The following ZNF572 variants were observed in gnomAD, a reference collection of about 807,000 sequenced individuals.
The protein encoded by ZNF572 is zinc finger protein 572.
Under a neutral mutation model 3.8 loss-of-function variants are expected in ZNF572, and 2 were observed. The ratio of observed to expected loss-of-function variants is 0.52; its 90% confidence interval spans 0.21 to 1.65. The LOEUF is 1.65. Among genes scored for constraint, ZNF572 ranks in the 40% most tolerant of loss-of-function variants. The pLI, the probability that ZNF572 is intolerant of heterozygous loss-of-function variation, is 0.20. For missense variants in ZNF572, 581 were observed against 633.4 expected, an observed-to-expected ratio of 0.92 and a Z score of 0.89; for synonymous variants, 187 against 204.5, an observed-to-expected ratio of 0.91 and a Z score of 0.73.
chr8:124,974,403 T>C (rs1471715810), intron 1 of ZNF572, among the ~76,000 whole-genome samples: 2 of 152,238 alleles, frequency 1.3e-5, no homozygotes, highest in African/African-American at 4.8e-5. Flanking sequence ...TCCTATAAAA[T>C]GCTGGTAGTT....
Position 124,977,247 on chromosome 8 carries a change from C to T in ZNF572, c.979C>T (p.Pro327Ser), listed in dbSNP as rs750600647. The T allele has an allele frequency of 3.1e-6, 5 of 1,613,484 alleles. No individual in the cohort carries two copies. The South Asian group carries it at 4.4e-5, about 14-fold the overall frequency. Residue 327 changes from proline (P) to serine (S), a missense_variant, in exon 3 of 3, where the codon CCT (proline) becomes TCT (serine). Transcript: ENST00000319286. ...TCAGAGAATACATACAGGAGAAAAGCCTTATCAATGTCCAGAATGTGGGAA... is the reference window on the plus strand; with the variant it reads ...TCAGAGAATACATACAGGAGAAAAGTCTTATCAATGTCCAGAATGTGGGAA... The part of the protein sequence containing the change: ...KHQRIHTGEK[P>S]YQCPECGKNF...
At position 124,977,502 on chromosome 8, in the gene ZNF572, T is replaced by C; in HGVS notation, c.1234T>C (p.Tyr412His). ...GAGAACACATACAGGAGAAAAACCTTACAGATGTTCTGAGTGCTGGAAAAC... is the reference window on the plus strand; with the variant it reads ...GAGAACACATACAGGAGAAAAACCTCACAGATGTTCTGAGTGCTGGAAAAC... ...HQRTHTGEKP[Y>H]RCSECWKTFS... Residue 412 changes from tyrosine (Y) to histidine (H), a missense_variant, in exon 3 of 3, where the codon TAC becomes CAC. Coordinates refer to ENST00000319286, the MANE Select transcript of ZNF572 (RefSeq NM_152412.3). 1 of 1,614,200 alleles carries C rather than the reference T, an allele frequency of 6.2e-7. No homozygotes were observed. The highest frequency in any genetic ancestry group is 1.7e-5 in the Admixed American group (1 of 60,034).
chr8:124,975,251 T>C (rs890663700), intron 1 of ZNF572, among the ~76,000 whole-genome samples: 4 of 152,232 alleles, frequency 2.6e-5, no homozygotes, highest in Non-Finnish European at 5.9e-5. Context: ...TTGAAGTCTT[T>C]ATAAGTTTTA....
rs537058521 is a variant in ZNF572, at chr8:124,978,845, G to T, written c.*987G>T. The T allele has an allele frequency of 6.6e-6, 1 of 152,204 alleles. No individual in the cohort carries two copies. Among genetic ancestry groups the T allele is most frequent in the East Asian group, 1.9e-4 (1 of 5,184 alleles). 9.4% of individuals were successfully genotyped at this position (152,204 alleles called of 1,614,324 possible). The stretch of plus-strand genomic sequence containing the variant: ...TAAATTATCCCATTATGTAATTCTT[G>T]GTCAGCTCAAGAACTGGGTTCTTTT... On this transcript the variant is annotated 3_prime_UTR_variant, in exon 3 of 3. Transcript: ENST00000319286.
In ZNF572 at chr8:124,977,572, C is replaced by G; in HGVS notation, c.1304C>G (p.Thr435Arg). ...CTGGTGATTCACCAAAGGACACATACAGGAGAGAAACCTTATAAATGTCCT... is the reference window on the plus strand; with the variant it reads ...CTGGTGATTCACCAAAGGACACATAGAGGAGAGAAACCTTATAAATGTCCT... ...STLVIHQRTH[T>R]GEKPYKCPDC... Residue 435 changes from threonine to arginine, a missense_variant, in exon 3 of 3, where the codon ACA (threonine) becomes AGA (arginine). Transcript: ENST00000319286. 4 of 1,614,218 alleles carry G rather than the reference C, an allele frequency of 2.5e-6. No homozygotes were observed. In the South Asian group the frequency reaches 4.4e-5, roughly 18 times the overall value.
intron 1 of ZNF572, among the ~76,000 whole-genome samples, chr8:124,975,389 T>A (rs1814494701): frequency 6.6e-6 from 1 of 152,264 alleles, no homozygotes; most frequent in African/African-American, 2.4e-5. Context: ...GAAGATTTAC[T>A]TTTTTGCATT....
At chr8:124,975,994 A>T (rs1814500603) in intron 2 of ZNF572, among the ~76,000 whole-genome samples, 1 of 152,202 alleles carries the variant, frequency 6.6e-6, no homozygotes, top group Admixed American at 6.5e-5. Flanking sequence ...TAGCAAAGCT[A>T]TTGTCTAGTT....
In ZNF572 at chr8:124,977,407, G is replaced by A. The variant is rs10105106; in HGVS notation, c.1139G>A (p.Gly380Glu). ...NVIEECRIQLGEKPYRCCECG... is the reference protein window; with the variant it reads ...NVIEECRIQLEEKPYRCCECG... The stretch of plus-strand genomic sequence containing the variant: ...ATAGAAGAATGCAGAATCCAGTTAG[G>A]AGAGAAACCATATAGATGTTGTGAA... Residue 380 changes from glycine (G) to glutamate (E), a missense_variant, in exon 3 of 3, where the codon GGA (glycine) becomes GAA (glutamate). Coordinates refer to ENST00000319286, the MANE Select transcript of ZNF572 (RefSeq NM_152412.3). 0.041 allele frequency: 66,458 copies of A among 1,614,102 alleles called. 2,373 individuals are homozygous for A. Among genetic ancestry groups the A allele is most frequent in the African/African-American group, 0.19 (14,360 of 74,994 alleles).
rs777703555 is a variant in ZNF572, at chr8:124,976,815, A to G, written c.547A>G (p.Thr183Ala). Residue 183 changes from threonine (T) to alanine (A), a missense_variant, in exon 3 of 3, where the codon ACA becomes GCA. Physicochemically the swap from Thr to Ala is moderately conservative, Grantham distance 58. Coordinates refer to ENST00000319286, the MANE Select transcript of ZNF572 (RefSeq NM_152412.3). ...CCTGATTCAGCATCTAAGAATGCAC[A>G]CAGGAGAGAAGCCCTACCAGTGTGG... ...SHLIQHLRMHTGEKPYQCGEC... is the reference protein window; with the variant it reads ...SHLIQHLRMHAGEKPYQCGEC... 2.5e-6 allele frequency: 4 copies of G among 1,614,198 alleles called. No homozygotes were observed. The highest frequency in any genetic ancestry group is 3.4e-6 in the Non-Finnish European group (4 of 1,180,024).
chr8:124,979,070 A>G lies in ZNF572; in HGVS notation c.*1212A>G, dbSNP rs1475712722. The G allele has an allele frequency of 6.6e-6, 1 of 152,518 alleles. No individual in the cohort carries two copies. The highest frequency in any genetic ancestry group is 1.5e-5 in the Non-Finnish European group (1 of 68,042). 9.4% of individuals were successfully genotyped at this position (152,518 alleles called of 1,614,324 possible). A position where few individuals can be genotyped will look rare whatever the true frequency, so the allele number is the denominator to read the frequency against. ...CTTTGGAAATTATTAGATATATCCT[A>G]TTCCCTTCCTCCCATTTTTTTCCTG... On this transcript the variant is annotated 3_prime_UTR_variant, in exon 3 of 3. Coordinates refer to ENST00000319286, the MANE Select transcript of ZNF572 (RefSeq NM_152412.3).
intron 2 of ZNF572, among the ~76,000 whole-genome samples, chr8:124,976,096 T>G (rs1814501491): frequency 6.6e-6 from 1 of 152,222 alleles, no homozygotes. Flanking sequence ...CCTAATGCAT[T>G]TATTTTTAGA....
rs986023156 is a variant in ZNF572 at position 124,977,783 on chromosome 8, T to C, written c.1515T>C (p.His505=). 2.5e-6 allele frequency: 4 copies of C among 1,613,938 alleles called. No homozygotes were observed. Among genetic ancestry groups the C allele is most frequent in the Admixed American group, 3.3e-5 (2 of 60,004 alleles). Residue 505 remains histidine, a synonymous_variant, in exon 3 of 3, where the codon CAT becomes CAC. Coordinates refer to ENST00000319286, the MANE Select transcript of ZNF572 (RefSeq NM_152412.3). ...FESPDVGDFP[H]EWTWKNCSGE... is the part of the protein sequence containing the mutation. Reference sequence around the variant, plus strand: ...CTCCCGACGTTGGGGATTTTCCTCATGAATGGACTTGGAAAAACTGTTCAG... The same window carrying C: ...CTCCCGACGTTGGGGATTTTCCTCACGAATGGACTTGGAAAAACTGTTCAG...
At position 124,977,279 on chromosome 8, in the gene ZNF572, T is replaced by G. The variant is rs753926505; in HGVS notation, c.1011T>G (p.Phe337Leu). 2 of 1,613,932 alleles carry G rather than the reference T, an allele frequency of 1.2e-6. No homozygotes were observed. Among genetic ancestry groups the G allele is most frequent in the Non-Finnish European group, 1.7e-6 (2 of 1,180,028 alleles). The change falls in exon 3 of 3, where the codon TTT becomes TTG. Residue 337 changes from phenylalanine (F) to leucine (L), a missense_variant. Phe to Leu is a conservative substitution (Grantham distance 22, BLOSUM62 0). Coordinates refer to ENST00000319286, the MANE Select transcript of ZNF572 (RefSeq NM_152412.3). ...PYQCPECGKN[F>L]SRSSNLITHQ... The stretch of plus-strand genomic sequence containing the variant: ...AATGTCCAGAATGTGGGAAGAATTT[T>G]AGTCGTAGTTCAAACCTTATTACAC...
In ZNF572 at chr8:124,978,059, G is replaced by C. The variant is rs997251269; in HGVS notation, c.*201G>C. ...TCCAGTGAGAGATTCATCCACCAAG[G>C]ATGAAGAAAGGAGGACTTTTAAAAA... On this transcript the variant is annotated 3_prime_UTR_variant, in exon 3 of 3. Transcript: ENST00000319286. 1.9e-6 allele frequency: 1 copy of C among 527,236 alleles called. No individual in the cohort carries two copies. Among genetic ancestry groups the C allele is most frequent in the African/African-American group, 1.9e-5 (1 of 51,754 alleles). The allele number at this position is 527,236 out of a possible 1,614,324, so 32.7% of individuals were successfully genotyped here.
intron 1 of ZNF572, among the ~76,000 whole-genome samples, chr8:124,973,827 AT>A (rs1487722546): frequency 6.6e-6 from 1 of 152,106 alleles, no homozygotes; most frequent in Non-Finnish European, 1.5e-5. Flanking sequence ...ATTTGCCACC[AT>A]TTTGCTGAGC....
In ZNF572 at chr8:124,977,229, A is replaced by G; in HGVS notation, c.961A>G (p.Ile321Val). ...TTCTACTCTAATAAAACATCAGAGA[A>G]TACATACAGGAGAAAAGCCTTATCA... The part of the protein sequence containing the change: ...CNSTLIKHQR[I>V]HTGEKPYQCP... The change falls in exon 3 of 3, where the codon ATA becomes GTA. Residue 321 changes from isoleucine (I) to valine (V), a missense_variant. By Grantham distance (29) the Ile-to-Val change is conservative. Transcript: ENST00000319286. 6.2e-7 allele frequency: 1 copy of G among 1,613,174 alleles called. No homozygotes were observed. Among genetic ancestry groups the G allele is most frequent in the Non-Finnish European group, 8.5e-7 (1 of 1,180,044 alleles).
In ZNF572 at chr8:124,977,727, C is replaced by T. The variant is rs200991389; in HGVS notation, c.1459C>T (p.Arg487Trp). 2.2e-5 allele frequency: 35 copies of T among 1,614,190 alleles called. No homozygotes were observed. The highest frequency in any genetic ancestry group is 7.7e-5 in the South Asian group (7 of 91,086). The change falls in exon 3 of 3, where the codon CGG (arginine) becomes TGG (tryptophan). Residue 487 changes from arginine to tryptophan, a missense_variant. By Grantham distance (101) the Arg-to-Trp change is moderately radical. Coordinates refer to ENST00000319286, the MANE Select transcript of ZNF572 (RefSeq NM_152412.3). ...CAGAAGTGCCTACCTCAGTCAGCAT[C>T]GGAAAATTCACGTAGAAAAGCCTTT... ...FSRSAYLSQH[R>W]KIHVEKPFES...
intron 1 of ZNF572, among the ~76,000 whole-genome samples, chr8:124,974,144 C>T (rs1564126199): frequency 6.6e-6 from 1 of 152,138 alleles, no homozygotes; most frequent in Non-Finnish European, 1.5e-5. Flanking sequence ...AATGTCGACT[C>T]ACTTTGTTAA....
chr8:124,976,516 A>G lies in ZNF572; in HGVS notation c.248A>G (p.His83Arg), dbSNP rs375727317. The G allele has an allele frequency of 1.5e-5, 24 of 1,614,216 alleles. No individual in the cohort carries two copies. The African/African-American group carries it at 2.9e-4, about 20-fold the overall frequency. ...LTWVQDEIWC[H>R]DSYESDGKSE... ...TGGGTTCAAGATGAGATTTGGTGTC[A>G]TGATTCCTATGAGAGTGATGGCAAG... Residue 83 changes from histidine (H) to arginine (R), a missense_variant, in exon 3 of 3, where the codon CAT becomes CGT. Physicochemically the swap from His to Arg is conservative, Grantham distance 29. Coordinates refer to ENST00000319286, the MANE Select transcript of ZNF572 (RefSeq NM_152412.3).
Sources: allele counts gnomAD v4.1 joint callset (sites outside exome capture counted in the v4.1 genomes callset), GRCh38; gene constraint gnomAD v4.1.1; transcripts MANE v1.5; gene names NCBI Gene and HGNC (gene_info 2026-07-23, HGNC 2026-07-21).